NTN1: variants seen among roughly 807,000 people sequenced by gnomAD.
NTN1 encodes the protein netrin 1.
Under a neutral mutation model 54.2 loss-of-function variants are expected in NTN1, and 11 were observed. That is an observed-to-expected ratio of 0.20 (90% CI 0.13 to 0.34). The LOEUF (loss-of-function observed/expected upper bound fraction) is 0.34. Ranked by LOEUF, NTN1 falls within the 10% of genes least tolerant of loss-of-function variation. The pLI, the probability that NTN1 is intolerant of heterozygous loss-of-function variation, is 1.00. For synonymous variants in NTN1, 371 were observed against 382.0 expected, an observed-to-expected ratio of 0.97 and a Z score of 0.33; for missense variants, 740 against 893.1, an observed-to-expected ratio of 0.83 and a Z score of 2.18.
At chr17:9,098,427 G>C (rs1422408000) in intron 2 of NTN1, among the ~76,000 whole-genome samples, 2 of 152,216 alleles carry the variant, frequency 1.3e-5, no homozygotes, top group African/African-American at 4.8e-5. Flanking sequence ...ACAGGTGAAT[G>C]CCTTAAGGAG....
At chr17:9,042,406 C>T (rs372020488) in intron 2 of NTN1, among the ~76,000 whole-genome samples, 4 of 151,564 alleles carry the variant, frequency 2.6e-5, no homozygotes, top group East Asian at 3.9e-4. Flanking sequence ...ATTGCACGAG[C>T]GAGGGGTTTG....
chr17:9,175,540 C>G (rs1309264166), intron 3 of NTN1: 1 of 152,254 alleles, frequency 6.6e-6, no homozygotes, highest in Non-Finnish European at 1.5e-5. Flanking sequence ...AAAACCTTAG[C>G]CTGTTAAGTT....
intron 2 of NTN1, among the ~76,000 whole-genome samples, chr17:9,119,648 T>G (rs771123932): frequency 8.6e-5 from 13 of 151,962 alleles, no homozygotes; most frequent in Non-Finnish European, 1.8e-4. Flanking sequence ...ATAAGCATGC[T>G]ACACCACACC....
In NTN1 at chr17:9,187,654, C is replaced by CAAA. The variant is rs763852001; in HGVS notation, c.1411+4708_1411+4710dup. Reference sequence around the variant, plus strand: ...GCAAAATAGTGAAACCTCATCTCTCCAAAAAAAAAAAAAAAAAAAAAAAAA... The same window carrying CAAA: ...GCAAAATAGTGAAACCTCATCTCTCCAAAAAAAAAAAAAAAAAAAAAAAAAAAA... On this transcript the variant is annotated intron_variant, in intron 5 of 6. Transcript: ENST00000173229. 8.7e-3 allele frequency among the ~76,000 whole-genome samples: 459 copies of CAAA among 52,834 alleles called. 13 individuals are homozygous for CAAA. Among genetic ancestry groups the CAAA allele is most frequent in the East Asian group, 0.032 (43 of 1,336 alleles). The allele number at this position is 52,834 out of a possible 152,430, so 34.7% of individuals were successfully genotyped here.
At chr17:9,106,852 C>A (rs544620779) in intron 2 of NTN1, among the ~76,000 whole-genome samples, 2 of 63,026 alleles carry the variant, frequency 3.2e-5, no homozygotes, top group African/African-American at 8.4e-5. Flanking sequence ...TGTATCTTCG[C>A]CGTCACCATC....
chr17:9,202,029 T>TACACACACACACACAC (rs1200661283), intron 5 of NTN1, among the ~76,000 whole-genome samples: 532 of 26,836 alleles, frequency 0.02, 27 homozygotes, highest in Non-Finnish European at 0.027. Context: ...CTACTAAAAA[T>TACACACACACACACAC]ACACACACAC....
intron 2 of NTN1, among the ~76,000 whole-genome samples, chr17:9,089,342 G>A (rs1006986738): frequency 1.3e-5 from 2 of 152,030 alleles, no homozygotes; most frequent in African/African-American, 4.8e-5. Flanking sequence ...TTGAACCCGG[G>A]AGGCGGAGGT....
At chr17:9,139,915 C>G (rs2092292533) in intron 2 of NTN1, among the ~76,000 whole-genome samples, 2 of 151,918 alleles carry the variant, frequency 1.3e-5, no homozygotes, top group South Asian at 2.1e-4. Flanking sequence ...ATCATCCATC[C>G]ATTCATCCAT....
At chr17:9,100,821 T>A (rs1487996284) in intron 2 of NTN1, among the ~76,000 whole-genome samples, 1 of 152,174 alleles carries the variant, frequency 6.6e-6, no homozygotes, top group Non-Finnish European at 1.5e-5. Flanking sequence ...ATCCTGTCAG[T>A]TAGTATCTTT....
At chr17:9,127,186 C>T (rs964423577) in intron 2 of NTN1, among the ~76,000 whole-genome samples, 4 of 151,980 alleles carry the variant, frequency 2.6e-5, no homozygotes, top group East Asian at 3.9e-4. Flanking sequence ...AAGATTGTCC[C>T]GGTTGCTCTG....
At chr17:9,065,719 A>G (rs1398655224) in intron 2 of NTN1, among the ~76,000 whole-genome samples, 5 of 152,230 alleles carry the variant, frequency 3.3e-5, no homozygotes, top group African/African-American at 9.6e-5. Flanking sequence ...AATGACCCCA[A>G]GCAGGATCCT....
At chr17:9,020,123 G>A (rs1267549707), upstream of NTN1, among the ~76,000 whole-genome samples, 3 of 152,182 alleles carry the variant, frequency 2.0e-5, no homozygotes, top group African/African-American at 7.2e-5. Flanking sequence ...GGCCAGACGA[G>A]CCCCGAGGCC....
At chr17:9,003,265 C>T in the NTN1 span, among the ~76,000 whole-genome samples, 2 of 151,466 alleles carry the variant, frequency 1.3e-5, no homozygotes, top group African/African-American at 2.4e-5. This position sits in a 1 kb window ranked among gnomAD's most constrained non-coding sequence, Gnocchi z 7.4. Flanking sequence ...TTCTTGAAGG[C>T]CTCGGAGGGC....
chr17:9,050,049 A>G (rs1352373291), intron 2 of NTN1, among the ~76,000 whole-genome samples: 1 of 151,752 alleles, frequency 6.6e-6, no homozygotes, highest in Non-Finnish European at 1.5e-5. Context: ...GATTGAGACC[A>G]TCCTGGCTAA....
intron 2 of NTN1, among the ~76,000 whole-genome samples, chr17:9,089,839 C>T (rs1374858714): frequency 1.3e-5 from 2 of 152,136 alleles, no homozygotes; most frequent in African/African-American, 2.4e-5. Flanking sequence ...CTCCTGCTAC[C>T]GACCTCCTGC....
At chr17:9,052,601 A>G (rs145639493) in intron 2 of NTN1, among the ~76,000 whole-genome samples, 428 of 152,380 alleles carry the variant, frequency 2.8e-3, no homozygotes, top group African/African-American at 9.7e-3. Flanking sequence ...GCTTTAGAAT[A>G]TAAGGCTGCA....
In NTN1 at chr17:9,046,855, G is replaced by A. The variant is rs116049562; in HGVS notation, c.1018+23464G>A. Among the ~76,000 whole-genome samples, 1,084 of 152,084 alleles carry A rather than the reference G, an allele frequency of 7.1e-3. 14 individuals carry two copies. Among genetic ancestry groups the A allele is most frequent in the African/African-American group, 0.024 (1,003 of 41,486 alleles). On this transcript the variant is annotated intron_variant, in intron 2 of 6. Transcript: ENST00000173229. ...ATCCCTCTGAAATGAGTTGTGATAC[G>A]ATCCAGCAATTCCATTCCTAGATAC...
rs563764753 is a variant in NTN1, at chr17:9,152,806, G to C, written c.1019-10007G>C. 9.8e-5 allele frequency among the ~76,000 whole-genome samples: 15 copies of C among 152,302 alleles called. No homozygotes were observed. In the East Asian group the frequency reaches 2.7e-3, roughly 27 times the overall value. On this transcript the variant is annotated intron_variant, in intron 2 of 6. Coordinates refer to ENST00000173229, the MANE Select transcript of NTN1 (RefSeq NM_004822.3). The stretch of plus-strand genomic sequence containing the variant: ...ACGCAGATGTCTTCATTTTTCAGAT[G>C]GGAGAATGGGTTCAGAGGGGCCAAG...
rs573212734 is a variant in NTN1, at chr17:9,212,696, C to T, written c.1412-8472C>T. Among the ~76,000 whole-genome samples the T allele has an allele frequency of 1.5e-4, 23 of 152,310 alleles. No individual in the cohort carries two copies. In the South Asian group the frequency reaches 1.9e-3, roughly 12 times the overall value. On this transcript the variant is annotated intron_variant, in intron 5 of 6. Transcript: ENST00000173229. This position sits in a 1 kb window ranked among gnomAD's most constrained non-coding sequence, Gnocchi z 5.5. ...CCCAACCCTTCCAGGTTTCTCTGCC[C>T]GGGGAGGACAGACCATGTTGGCTGG...
Sources: allele counts gnomAD v4.1 joint callset (sites outside exome capture counted in the v4.1 genomes callset), GRCh38; gene constraint gnomAD v4.1.1; non-coding constraint Gnocchi (gnomAD v3.1); transcripts MANE v1.5; gene names NCBI Gene and HGNC (gene_info 2026-07-23, HGNC 2026-07-21).